The following PHACTR1 variants were observed in gnomAD, a reference collection of about 807,000 sequenced individuals.
The protein encoded by PHACTR1 is phosphatase and actin regulator 1.
PHACTR1 carries 16 observed loss-of-function variants against 69.2 expected under a neutral mutation model. The ratio of observed to expected loss-of-function variants is 0.23; its 90% CI spans 0.16 to 0.35. The LOEUF is 0.35. PHACTR1 is among the 10% of genes least tolerant of loss of function. The probability of loss-of-function intolerance (pLI) is 1.00; values close to 1 mark genes in which losing one functional copy is unlikely to be tolerated. For synonymous variants in PHACTR1, 312 were observed against 284.5 expected (o/e 1.10, Z -0.97); for missense variants, 510 against 734.7 (o/e 0.69, Z 3.54).
In PHACTR1 at chr6:12,811,543, GTATTT is replaced by G. The variant is rs538494827; in HGVS notation, c.250+61762_250+61766del. Among the ~76,000 whole-genome samples, 31 of 152,290 alleles carry G rather than the reference GTATTT, an allele frequency of 2.0e-4. 1 individual carries two copies. The South Asian group carries it at 6.0e-3, about 30-fold the overall frequency. On this transcript the variant is annotated intron_variant, in intron 4 of 14. Transcript: ENST00000332995. ...TGCACTTAAGATTAGTGTACGTGAT[GTATTT>G]TATTTTATGTTTGCTATCTTTCAAT...
In PHACTR1 at chr6:13,275,393, G is replaced by A. The variant is rs41273704; in HGVS notation, c.1447+2478G>A. 7,639 of 152,352 alleles carry A rather than the reference G, an allele frequency of 0.05. 265 individuals carry two copies. Among genetic ancestry groups the A allele is most frequent in the Non-Finnish European group, 0.08 (5,429 of 68,084 alleles). 9.4% of individuals were successfully genotyped at this position (152,352 alleles called of 1,614,324 possible). A position where few individuals can be genotyped will look rare whatever the true frequency, so the allele number is the denominator to read the frequency against. ...TCTGCCTGAAAATTCATGAACCTGG[G>A]TTGGTCAATGGCTTTGAACTAAAGG... On this transcript the variant is annotated intron_variant, in intron 11 of 14. Coordinates refer to ENST00000332995, the MANE Select transcript of PHACTR1 (RefSeq NM_030948.6). The surrounding 1 kb of genome is among the most constrained non-coding windows in gnomAD (Gnocchi z 4.0).
intron 5 of PHACTR1, among the ~76,000 whole-genome samples, chr6:13,088,627 G>GC (rs1812704444): frequency 6.6e-6 from 1 of 152,064 alleles, no homozygotes; most frequent in African/African-American, 2.4e-5. Context: ...GCTCTCCAGA[G>GC]CCCCCTAAAC....
At chr6:12,860,427 T>A (rs112629661) in intron 4 of PHACTR1, among the ~76,000 whole-genome samples, 6,718 of 152,260 alleles carry the variant, frequency 0.044, 212 homozygotes, top group South Asian at 0.096. Context: ...TCCAAGTCTT[T>A]GCTATTGTGA....
chr6:12,945,028 C>T (rs1052672582), intron 4 of PHACTR1, among the ~76,000 whole-genome samples: 1 of 152,066 alleles, frequency 6.6e-6, no homozygotes, highest in Non-Finnish European at 1.5e-5. Flanking sequence ...ATGATCCGCC[C>T]GTCTCGGCCT....
intron 4 of PHACTR1, among the ~76,000 whole-genome samples, chr6:12,967,238 C>T (rs1436531200): frequency 6.6e-6 from 1 of 152,150 alleles, no homozygotes; most frequent in African/African-American, 2.4e-5. Flanking sequence ...TATTGGGCTC[C>T]TTCCTTGTTT....
At chr6:12,931,803 T>A (rs899335035) in intron 4 of PHACTR1, among the ~76,000 whole-genome samples, 2 of 151,778 alleles carry the variant, frequency 1.3e-5, no homozygotes, top group African/African-American at 4.8e-5. Flanking sequence ...AGGAAAGGGC[T>A]TAACATGCAT....
At chr6:12,971,517 G>C (rs1794197763) in intron 4 of PHACTR1, among the ~76,000 whole-genome samples, 1 of 152,190 alleles carries the variant, frequency 6.6e-6, no homozygotes, top group Non-Finnish European at 1.5e-5. Context: ...CAGGACAAAA[G>C]TCTGCATATT....
chr6:13,200,320 C>T (rs1765036175), intron 7 of PHACTR1, among the ~76,000 whole-genome samples: 2 of 152,140 alleles, frequency 1.3e-5, no homozygotes, highest in African/African-American at 4.8e-5. Flanking sequence ...AAGCGATTCT[C>T]CTGCCTCAGC....
At chr6:13,055,333 C>CCTTAAAAA (rs1806605500) in intron 5 of PHACTR1, among the ~76,000 whole-genome samples, 1 of 152,010 alleles carries the variant, frequency 6.6e-6, no homozygotes, top group Non-Finnish European at 1.5e-5. Context: ...ATTTGTGCAT[C>CCTTAAAAA]CTTAAAAACA....
At chr6:13,032,702 G>A (rs1428967426) in intron 4 of PHACTR1, among the ~76,000 whole-genome samples, 1 of 151,734 alleles carries the variant, frequency 6.6e-6, no homozygotes, top group Non-Finnish European at 1.5e-5. Flanking sequence ...CTGCAGCCTT[G>A]AACTCTGAGC....
At chr6:12,737,771 T>A (rs1181949308) in intron 3 of PHACTR1, among the ~76,000 whole-genome samples, 3 of 152,050 alleles carry the variant, frequency 2.0e-5, no homozygotes, top group African/African-American at 4.8e-5. Flanking sequence ...ATTTTTAAAA[T>A]TTTTTATAGA....
At chr6:12,839,410 T>A (rs1248745193) in intron 4 of PHACTR1, among the ~76,000 whole-genome samples, 1 of 152,082 alleles carries the variant, frequency 6.6e-6, no homozygotes, top group Non-Finnish European at 1.5e-5. Context: ...AATCAGGATA[T>A]TTTTCATCCC....
At chr6:13,109,059 G>A (rs1225822668) in intron 5 of PHACTR1, among the ~76,000 whole-genome samples, 4 of 151,900 alleles carry the variant, frequency 2.6e-5, no homozygotes, top group Non-Finnish European at 5.9e-5. Context: ...ACTACTGTAT[G>A]TGTAATATCA....
rs1240651975 is a variant in PHACTR1 at position 12,938,035 on chromosome 6, G to C, written c.251-115330G>C. Among the ~76,000 whole-genome samples, 4 of 152,112 alleles carry C rather than the reference G, an allele frequency of 2.6e-5. No homozygotes were observed. The South Asian group carries it at 8.3e-4, about 32-fold the overall frequency. On this transcript the variant is annotated intron_variant, in intron 4 of 14. Transcript: ENST00000332995. ...GAATTACTTGAACCTAGGAGGTGGA[G>C]GTTGCAGTGGGCCGAGGTCACGCCA... is the stretch of plus-strand genomic sequence containing the variant.
At chr6:13,237,010 A>G (rs1772097446) in intron 10 of PHACTR1, among the ~76,000 whole-genome samples, 2 of 152,190 alleles carry the variant, frequency 1.3e-5, no homozygotes, top group African/African-American at 2.4e-5. Context: ...TTGTTTTGCA[A>G]AAATGAAGGA....
chr6:13,147,617 AG>A (rs1409819929), intron 5 of PHACTR1, among the ~76,000 whole-genome samples: 3 of 152,224 alleles, frequency 2.0e-5, no homozygotes, highest in African/African-American at 7.2e-5. Flanking sequence ...AGAAATGACC[AG>A]GAAAAGACTT....
chr6:12,832,081 C>A (rs1017845281), intron 4 of PHACTR1, among the ~76,000 whole-genome samples: 2 of 152,044 alleles, frequency 1.3e-5, no homozygotes, highest in African/African-American at 4.8e-5. Flanking sequence ...ATACTCCAGC[C>A]TGGGTGACAG....
At position 13,287,416 on chromosome 6, in the gene PHACTR1, T is replaced by TA. The variant is rs1781897299; in HGVS notation, c.*338_*339insA. 5.8e-6 allele frequency: 2 copies of TA among 344,192 alleles called. No homozygotes were observed. The highest frequency in any genetic ancestry group is 1.7e-3 in the Middle Eastern group (2 of 1,160). The allele number at this position is 344,192 out of a possible 1,614,324, so 21.3% of individuals were successfully genotyped here. ...CCAGGCCCAGCAGGCACTACCTTCA[T>TA]GAAGTCTCCAGCAAACCTCTTCCTC... On this transcript the variant is annotated 3_prime_UTR_variant, in exon 15 of 15. Transcript: ENST00000332995.
rs760482435 is a variant in PHACTR1, at chr6:12,718,777, T to C, written c.33T>C (p.Asp11=). 4 of 1,570,192 alleles carry C rather than the reference T, an allele frequency of 2.5e-6. No individual in the cohort carries two copies. The highest frequency in any genetic ancestry group is 3.5e-6 in the Non-Finnish European group (4 of 1,154,840). The change falls in exon 3 of 15, where the codon GAT becomes GAC. Residue 11 remains aspartate, a synonymous_variant. Transcript: ENST00000332995. ...ATCCCAAAATGGATTATTTTCTGGATGTAGAGTCTGCTCACAGACTCTTGG... is the reference window on the plus strand; with the variant it reads ...ATCCCAAAATGGATTATTTTCTGGACGTAGAGTCTGCTCACAGACTCTTGG... The part of the protein sequence containing the change: MDYPKMDYFL[D]VESAHRLLDV...
Sources: gnomAD v4.1 joint callset for allele counts (sites outside exome capture counted in the v4.1 genomes callset) on GRCh38, gnomAD v4.1.1 for gene constraint, Gnocchi (gnomAD v3.1) non-coding constraint, MANE v1.5 for transcripts, NCBI Gene and HGNC (gene_info 2026-07-23, HGNC 2026-07-21) for gene names.